Variants in FNDC3B observed in about 807,000 individuals in gnomAD.
The protein encoded by FNDC3B is fibronectin type III domain-containing protein 3B.
A neutral mutation model predicts 151.5 loss-of-function variants in FNDC3B; 12 were observed. The ratio of observed to expected loss-of-function variants is 0.08; its 90% CI spans 0.05 to 0.13. The LOEUF is 0.13. Among genes scored for constraint, FNDC3B ranks in the 10% least tolerant of loss-of-function variants. The pLI, the probability that FNDC3B is intolerant of heterozygous loss-of-function variation, is 1.00. For missense variants in FNDC3B, 1,214 were observed against 1,505.3 expected, an observed-to-expected ratio of 0.81 and a Z score of 3.20; for synonymous variants, 528 against 549.0, an observed-to-expected ratio of 0.96 and a Z score of 0.54.
chr3:172,088,389 C>T (rs1718654723), intron 1 of FNDC3B, among the ~76,000 whole-genome samples: 1 of 152,222 alleles, frequency 6.6e-6, no homozygotes, highest in African/African-American at 2.4e-5. Flanking sequence ...ACCCAAATCT[C>T]CAGATGGCCA....
intron 22 of FNDC3B, among the ~76,000 whole-genome samples, chr3:172,358,046 T>C (rs1375368511): frequency 6.6e-6 from 1 of 152,208 alleles, no homozygotes; most frequent in Admixed American, 6.5e-5. Flanking sequence ...GTAACCATAT[T>C]TGGCCCCTGT....
At chr3:172,142,284 T>C (rs1159955969) in intron 3 of FNDC3B, among the ~76,000 whole-genome samples, 1 of 152,232 alleles carries the variant, frequency 6.6e-6, no homozygotes, top group Non-Finnish European at 1.5e-5. Context: ...ACTGGAGTTA[T>C]TAGGATTTTT....
chr3:172,302,955 T>C (rs1378037532), intron 9 of FNDC3B: 1 of 150,712 alleles, frequency 6.6e-6, no homozygotes, highest in African/African-American at 2.4e-5. Context: ...AGACAAGAGA[T>C]TGTGTGGAGA....
intron 3 of FNDC3B, among the ~76,000 whole-genome samples, chr3:172,215,015 C>T (rs1477505133): frequency 6.6e-6 from 1 of 152,186 alleles, no homozygotes; most frequent in Non-Finnish European, 1.5e-5. Context: ...ATACAGCTTT[C>T]AGGTTGGTGA....
intron 6 of FNDC3B, among the ~76,000 whole-genome samples, chr3:172,280,369 G>A (rs1396808722): frequency 6.6e-6 from 1 of 152,012 alleles, no homozygotes; most frequent in Non-Finnish European, 1.5e-5. Context: ...TTTTTTGTTT[G>A]TTTGTTTTCA....
In FNDC3B at chr3:172,040,603, T is replaced by A. The variant is rs1364980136; in HGVS notation, c.-29+832T>A. 1 of 150,526 alleles carries A rather than the reference T, an allele frequency of 6.6e-6. No homozygotes were observed. Among genetic ancestry groups the A allele is most frequent in the African/African-American group, 2.4e-5 (1 of 40,930 alleles). 9.3% of individuals were successfully genotyped at this position (150,526 alleles called of 1,614,324 possible). On this transcript the variant is annotated intron_variant, in intron 1 of 25. Coordinates refer to ENST00000415807, the MANE Select transcript of FNDC3B (RefSeq NM_022763.4). This position sits in a 1 kb window ranked among gnomAD's most constrained non-coding sequence, Gnocchi z 6.6. ...CGGCGGGAAGGAGCGGGCGACCCGG[T>A]GTGTGGGCCAGCGGAGCTCCGGTCA...
intron 1 of FNDC3B, among the ~76,000 whole-genome samples, chr3:172,065,461 G>A (rs79232372): frequency 0.035 from 5,339 of 152,282 alleles, 324 homozygotes; most frequent in African/African-American, 0.12. Context: ...TACTTCCTGT[G>A]TGTGAAATAG....
At chr3:172,299,785 A>T (rs1730813435) in intron 9 of FNDC3B, among the ~76,000 whole-genome samples, 1 of 152,114 alleles carries the variant, frequency 6.6e-6, no homozygotes, top group Admixed American at 6.5e-5. Flanking sequence ...GGAAGAGCGT[A>T]TATGAATTAC....
chr3:172,169,617 CCTT>C (rs1391100965), intron 3 of FNDC3B, among the ~76,000 whole-genome samples: 20 of 152,164 alleles, frequency 1.3e-4, no homozygotes, highest in Admixed American at 7.9e-4. Flanking sequence ...GGCAGAGAAA[CCTT>C]CTTACAGGGA....
chr3:172,056,710 T>C (rs1716935928), intron 1 of FNDC3B, among the ~76,000 whole-genome samples: 1 of 152,266 alleles, frequency 6.6e-6, no homozygotes, highest in Non-Finnish European at 1.5e-5. Flanking sequence ...TTTATTGCTT[T>C]ACTCTGTGAC....
At chr3:172,183,346 A>G (rs1030377476) in intron 3 of FNDC3B, among the ~76,000 whole-genome samples, 1 of 152,230 alleles carries the variant, frequency 6.6e-6, no homozygotes, top group Admixed American at 6.5e-5. Context: ...CATCTACTTT[A>G]TAAATGTATG....
chr3:172,257,832 C>G (rs779345513), intron 6 of FNDC3B, among the ~76,000 whole-genome samples: 17 of 152,146 alleles, frequency 1.1e-4, no homozygotes, highest in Non-Finnish European at 1.9e-4. Context: ...GTGGGGCCCA[C>G]CAATCTATGT....
chr3:172,380,578 C>T (rs1046024685), intron 24 of FNDC3B, among the ~76,000 whole-genome samples: 5 of 152,110 alleles, frequency 3.3e-5, no homozygotes, highest in Non-Finnish European at 7.3e-5. Flanking sequence ...CCTTGCTCTC[C>T]CCTTCCTTCA....
chr3:172,064,135 C>G (rs781192339), intron 1 of FNDC3B, among the ~76,000 whole-genome samples: 2 of 152,244 alleles, frequency 1.3e-5, no homozygotes, highest in South Asian at 4.1e-4. Flanking sequence ...TAGCAAGACT[C>G]TCTCTTAAAA....
intron 11 of FNDC3B, among the ~76,000 whole-genome samples, chr3:172,326,694 GCT>G (rs1248421373): frequency 7.9e-5 from 12 of 152,024 alleles, no homozygotes; most frequent in Non-Finnish European, 1.5e-5. Flanking sequence ...GAGTGCTCTG[GCT>G]CTCTTAAAAG....
intron 2 of FNDC3B, among the ~76,000 whole-genome samples, chr3:172,115,035 C>G (rs1033112618): frequency 1.3e-5 from 2 of 152,104 alleles, no homozygotes; most frequent in Non-Finnish European, 2.9e-5. Context: ...TAGAAATGTC[C>G]CTCTCAGCAG....
At chr3:172,309,471 G>T (rs1362947374) in intron 10 of FNDC3B, among the ~76,000 whole-genome samples, 2 of 120,504 alleles carry the variant, frequency 1.7e-5, no homozygotes, top group African/African-American at 6.2e-5. Context: ...TTAGAGATGG[G>T]TTCTCATCTT....
chr3:172,350,593 A>C (rs1359522521), intron 21 of FNDC3B, among the ~76,000 whole-genome samples: 1 of 152,246 alleles, frequency 6.6e-6, no homozygotes, highest in Non-Finnish European at 1.5e-5. Flanking sequence ...AAAATGTTGC[A>C]GTAGAGTTTC....
At chr3:172,171,230 A>G (rs1336596017) in intron 3 of FNDC3B, among the ~76,000 whole-genome samples, 2 of 152,230 alleles carry the variant, frequency 1.3e-5, no homozygotes, top group African/African-American at 2.4e-5. Context: ...TTATATTAAG[A>G]TAGGCTTGGA....
Sources: allele counts gnomAD v4.1 joint callset (sites outside exome capture counted in the v4.1 genomes callset), GRCh38; gene constraint gnomAD v4.1.1; non-coding constraint Gnocchi (gnomAD v3.1); transcripts MANE v1.5; gene names NCBI Gene and HGNC (gene_info 2026-07-23, HGNC 2026-07-21).